BAALC: variants seen among roughly 807,000 people sequenced by gnomAD.
BAALC encodes the protein brain and acute leukemia cytoplasmic protein.
In BAALC, 9 loss-of-function variants were observed where a neutral mutation model predicts 15.5. The ratio of observed to expected loss-of-function variants is 0.58; its 90% CI spans 0.35 to 1.02. The LOEUF is 1.02. Among genes scored for constraint, BAALC ranks in the 50% least tolerant of loss-of-function variants. The pLI is 0.02. For missense variants in BAALC, 201 were observed against 192.4 expected, an observed-to-expected ratio of 1.04 and a Z score of -0.27; for synonymous variants, 80 against 74.6, an observed-to-expected ratio of 1.07 and a Z score of -0.37.
intron 1 of BAALC, among the ~76,000 whole-genome samples, chr8:103,204,887 T>C (rs991077485): frequency 2.0e-5 from 3 of 152,244 alleles, no homozygotes; most frequent in Non-Finnish European, 4.4e-5. Context: ...AAACAAATTC[T>C]TAGTAAGTGG....
At chr8:103,147,355 G>A (rs928574962) in intron 1 of BAALC, among the ~76,000 whole-genome samples, 1 of 152,196 alleles carries the variant, frequency 6.6e-6, no homozygotes, top group Non-Finnish European at 1.5e-5. Context: ...ACAATGGGAT[G>A]ACGATAGTCA....
chr8:103,183,304 C>T, intron 1 of BAALC: 2 of 701,738 alleles, frequency 2.9e-6, no homozygotes, highest in South Asian at 1.5e-5. Context: ...CATGGAATGT[C>T]TTATTTCCCT....
intron 1 of BAALC, chr8:103,141,482 T>C (rs1395489270): frequency 5.9e-6 from 1 of 168,302 alleles, no homozygotes; most frequent in Non-Finnish European, 1.3e-5. Flanking sequence ...TTCTCATCCA[T>C]TGGCCACCTG....
At chr8:103,217,213 C>T (rs576222171) in intron 2 of BAALC, among the ~76,000 whole-genome samples, 32 of 152,318 alleles carry the variant, frequency 2.1e-4, no homozygotes, top group African/African-American at 6.3e-4. Context: ...TTAGTTTTAA[C>T]GGTTTATATT....
chr8:103,166,084 T>A (rs1433926289), intron 1 of BAALC: 1 of 152,636 alleles, frequency 6.6e-6, no homozygotes, highest in East Asian at 1.9e-4. Context: ...ATTGTTCGCT[T>A]TTTCTGAAAT....
chr8:103,140,938 G>T lies in BAALC; in HGVS notation c.41G>T (p.Arg14Leu). 1 of 1,534,102 alleles carries T rather than the reference G, an allele frequency of 6.5e-7. No homozygotes were observed. The highest frequency in any genetic ancestry group is 8.8e-7 in the Non-Finnish European group (1 of 1,141,286). ...GGSRADAIEPRYYESWTRETE... is the reference protein window; with the variant it reads ...GGSRADAIEPLYYESWTRETE... ...AGCCGGGCGGATGCCATCGAGCCCC[G>T]CTACTACGAGAGCTGGACCCGGGAG... Residue 14 changes from arginine to leucine, a missense_variant, in exon 1 of 3, where the codon CGC becomes CTC. By Grantham distance (102) the Arg-to-Leu change is moderately radical. Transcript: ENST00000309982. This position sits in a 1 kb window ranked among gnomAD's most constrained non-coding sequence, Gnocchi z 4.2.
intron 1 of BAALC, among the ~76,000 whole-genome samples, chr8:103,203,734 A>G (rs964743967): frequency 1.3e-5 from 2 of 152,246 alleles, no homozygotes; most frequent in African/African-American, 2.4e-5. Context: ...TTCAAGGTTC[A>G]TCAATGTCGT....
At chr8:103,176,536 C>T (rs1811610578) in intron 1 of BAALC, among the ~76,000 whole-genome samples, 1 of 152,092 alleles carries the variant, frequency 6.6e-6, no homozygotes, top group African/African-American at 2.4e-5. Flanking sequence ...GACAGAAACA[C>T]ACCGATCTTG....
rs35398385 is a variant in BAALC, at chr8:103,223,631, T to TTATA, written c.328-4348_328-4345dup. 6.6e-5 allele frequency among the ~76,000 whole-genome samples: 10 copies of TTATA among 151,680 alleles called. No individual in the cohort carries two copies. The East Asian group carries it at 7.7e-4, about 12-fold the overall frequency. ...GACCCTATTGTAATTGGGATTACAA[T>TTATA]TATATATATATATCTGTGGCTGTTA... On this transcript the variant is annotated intron_variant, in intron 2 of 2. Transcript: ENST00000309982.
intron 2 of BAALC, among the ~76,000 whole-genome samples, chr8:103,213,927 G>A (rs1812506471): frequency 6.6e-6 from 1 of 152,196 alleles, no homozygotes; most frequent in Admixed American, 6.5e-5. Flanking sequence ...AAAAGAGAAA[G>A]TTTATTCATG....
intron 1 of BAALC, among the ~76,000 whole-genome samples, chr8:103,193,448 C>T (rs1812018977): frequency 6.6e-6 from 1 of 152,224 alleles, no homozygotes; most frequent in Non-Finnish European, 1.5e-5. Flanking sequence ...ATTCAGTGCC[C>T]TCTCTTGCTC....
At chr8:103,150,497 G>T (rs937397204) in intron 1 of BAALC, among the ~76,000 whole-genome samples, 2 of 152,136 alleles carry the variant, frequency 1.3e-5, no homozygotes, top group Non-Finnish European at 2.9e-5. Context: ...CCAGCTCTAG[G>T]TCTTTGTGTC....
chr8:103,165,449 T>A (rs1368504631), intron 1 of BAALC: 1 of 151,790 alleles, frequency 6.6e-6, no homozygotes, highest in Admixed American at 6.6e-5. Flanking sequence ...ACAAGGGGAG[T>A]AAGGTGAAGG....
intron 1 of BAALC, among the ~76,000 whole-genome samples, chr8:103,155,402 G>A (rs994741512): frequency 1.3e-5 from 2 of 152,324 alleles, no homozygotes; most frequent in Middle Eastern, 3.4e-3. Context: ...GAGTGGAATG[G>A]CTGTTGTAAT....
intron 1 of BAALC, among the ~76,000 whole-genome samples, chr8:103,150,950 T>A (rs1277722575): frequency 6.6e-6 from 1 of 152,134 alleles, no homozygotes; most frequent in Non-Finnish European, 1.5e-5. Flanking sequence ...CAACCTGCTC[T>A]CTTCATCCAT....
intron 1 of BAALC, chr8:103,141,318 C>A: frequency 2.4e-6 from 1 of 409,682 alleles, no homozygotes; most frequent in East Asian, 4.0e-5. Context: ...CCAAAGCTTG[C>A]TCGCTGGTCG....
At chr8:103,164,596 G>A (rs1313394330) in intron 1 of BAALC, among the ~76,000 whole-genome samples, 1 of 152,192 alleles carries the variant, frequency 6.6e-6, no homozygotes, top group African/African-American at 2.4e-5. Flanking sequence ...CATCAGGTCT[G>A]AGTCTTCTAT....
At chr8:103,214,875 G>C (rs957875241) in intron 2 of BAALC, 2 of 152,202 alleles carry the variant, frequency 1.3e-5, no homozygotes, top group Non-Finnish European at 2.9e-5. Flanking sequence ...CAGGGTTGTG[G>C]TGTCCTTAAT....
chr8:103,227,036 C>A (rs1812821107), intron 2 of BAALC, among the ~76,000 whole-genome samples: 1 of 152,184 alleles, frequency 6.6e-6, no homozygotes, highest in South Asian at 2.1e-4. Flanking sequence ...GACCATAGCT[C>A]ATTCACTCAA....
Sources: allele counts gnomAD v4.1 joint callset (sites outside exome capture counted in the v4.1 genomes callset), GRCh38; gene constraint gnomAD v4.1.1; non-coding constraint Gnocchi (gnomAD v3.1); transcripts MANE v1.5; gene names NCBI Gene and HGNC (gene_info 2026-07-23, HGNC 2026-07-21).